INPP4B: variants seen among roughly 807,000 people sequenced by gnomAD.
INPP4B encodes the protein inositol polyphosphate 4-phosphatase type II.
In INPP4B, 55 loss-of-function variants were observed where a neutral mutation model predicts 122.5. The ratio of observed to expected loss-of-function variants is 0.45; its 90% CI spans 0.36 to 0.56. The LOEUF (loss-of-function observed/expected upper bound fraction) is 0.56, where lower values mean the gene tolerates loss of function less well. INPP4B is among the 20% of genes least tolerant of loss of function. INPP4B has a pLI of 0.00. For synonymous variants in INPP4B, 403 were observed against 388.7 expected, an observed-to-expected ratio of 1.04 and a Z score of -0.43; for missense variants, 1,000 against 1,097.7, an observed-to-expected ratio of 0.91 and a Z score of 1.26.
intron 13 of INPP4B, 26 bp downstream of exon 13, chr4:142,208,870 A>C (rs1843658688): frequency 6.8e-7 from 1 of 1,466,634 alleles, no homozygotes; most frequent in Non-Finnish European, 9.1e-7. Context: ...ATTCACTTTG[A>C]GTAAGTAGAG....
At chr4:142,158,339 C>T (rs183972118) in intron 17 of INPP4B, among the ~76,000 whole-genome samples, 34 of 152,190 alleles carry the variant, frequency 2.2e-4, no homozygotes, top group African/African-American at 7.5e-4. Context: ...ACTGCGATTG[C>T]TATTTGTCTT....
chr4:142,410,818 A>G (rs1480618218), intron 5 of INPP4B, among the ~76,000 whole-genome samples: 1 of 152,212 alleles, frequency 6.6e-6, no homozygotes, highest in Non-Finnish European at 1.5e-5. Context: ...TGACATTAAT[A>G]TATAGTTATA....
intron 15 of INPP4B, among the ~76,000 whole-genome samples, chr4:142,174,475 T>C (rs985114039): frequency 2.0e-5 from 3 of 152,106 alleles, no homozygotes; most frequent in Admixed American, 2.0e-4. Flanking sequence ...TAATGTCAAG[T>C]GGGCACATGG....
At chr4:142,062,144 G>T (rs770727755) in intron 25 of INPP4B, among the ~76,000 whole-genome samples, 1 of 151,980 alleles carries the variant, frequency 6.6e-6, no homozygotes, top group African/African-American at 2.4e-5. Flanking sequence ...TAGTAATTCT[G>T]TATAAAGTAC....
intron 7 of INPP4B, among the ~76,000 whole-genome samples, chr4:142,386,277 G>A (rs1561984013): frequency 6.6e-6 from 1 of 152,048 alleles, no homozygotes. Flanking sequence ...TTCATCCATT[G>A]ATGAACTCTT....
At chr4:142,031,933 C>T (rs184110469) in intron 25 of INPP4B, among the ~76,000 whole-genome samples, 332 of 151,834 alleles carry the variant, frequency 2.2e-3, no homozygotes, top group Non-Finnish European at 4.2e-3. Context: ...TTGAGTTGGA[C>T]GAGCAGGAAT....
At chr4:142,064,712 A>AAATCTTT (rs1159820670) in intron 25 of INPP4B, among the ~76,000 whole-genome samples, 1 of 152,196 alleles carries the variant, frequency 6.6e-6, no homozygotes, top group East Asian at 1.9e-4. Context: ...TCAATAGAAA[A>AAATCTTT]AATCTTTAGC....
At chr4:142,257,005 C>A (rs949332848) in intron 11 of INPP4B, among the ~76,000 whole-genome samples, 5 of 152,166 alleles carry the variant, frequency 3.3e-5, no homozygotes, top group African/African-American at 7.2e-5. Context: ...AGCTTATCCA[C>A]CATGATCAAG....
intron 18 of INPP4B, among the ~76,000 whole-genome samples, chr4:142,136,745 C>T (rs1804534539): frequency 6.6e-6 from 1 of 152,012 alleles, no homozygotes; most frequent in African/African-American, 2.4e-5. Flanking sequence ...GAATTTAGGA[C>T]CTTGTAAAAG....
intron 5 of INPP4B, among the ~76,000 whole-genome samples, chr4:142,421,277 C>T (rs1806825331): frequency 6.6e-6 from 1 of 152,062 alleles, no homozygotes; most frequent in Admixed American, 6.6e-5. Context: ...TGCTAGTTAT[C>T]CGATGCTCTC....
At chr4:142,116,694 C>T (rs1793680190) in intron 21 of INPP4B, among the ~76,000 whole-genome samples, 2 of 152,036 alleles carry the variant, frequency 1.3e-5, no homozygotes, top group Middle Eastern at 6.8e-3. Context: ...CAACAAATGC[C>T]CAAAAGAGAA....
chr4:142,138,292 A>T (rs1005648387), intron 18 of INPP4B, among the ~76,000 whole-genome samples: 19 of 150,274 alleles, frequency 1.3e-4, no homozygotes, highest in African/African-American at 4.4e-4. Context: ...AAGGACAAAA[A>T]ACCAAACACC....
At position 142,026,757 on chromosome 4, in the gene INPP4B, T is replaced by C. The variant is rs1444833338; in HGVS notation, c.*2025A>G. The C allele has an allele frequency of 2.0e-5, 3 of 152,206 alleles. No individual in the cohort carries two copies. Among genetic ancestry groups the C allele is most frequent in the African/African-American group, 7.2e-5 (3 of 41,462 alleles). The allele number at this position is 152,206 out of a possible 1,614,324, so 9.4% of individuals were successfully genotyped here. A position where few individuals can be genotyped will look rare whatever the true frequency, so the allele number is the denominator to read the frequency against. ...CTGGGATTACAGGAAATCCTTGAAA[T>C]GTCTTTTAAAAATAGAAAACCCTAC... On this transcript the variant is annotated 3_prime_UTR_variant, in exon 26 of 26. Transcript: ENST00000262992.
chr4:142,562,407 G>A (rs1243315875), intron 2 of INPP4B, among the ~76,000 whole-genome samples: 1 of 152,112 alleles, frequency 6.6e-6, no homozygotes, highest in Non-Finnish European at 1.5e-5. Context: ...GAGCCAGACT[G>A]TATCAAAAGT....
At chr4:142,135,740 C>T (rs1376345959) in intron 18 of INPP4B, among the ~76,000 whole-genome samples, 1 of 152,078 alleles carries the variant, frequency 6.6e-6, no homozygotes, top group African/African-American at 2.4e-5. Context: ...CTTTTTCCTT[C>T]AGTGGTGTTG....
intron 9 of INPP4B, among the ~76,000 whole-genome samples, chr4:142,298,683 CAAAAAAAAAA>C (rs386401712): frequency 8.4e-4 from 56 of 66,454 alleles, no homozygotes; most frequent in Admixed American, 1.9e-3. Flanking sequence ...GACTCTGTCT[CAAAAAAAAAA>C]AAAAAAAAAA....
chr4:142,183,154 T>C (rs1473992174), intron 15 of INPP4B, among the ~76,000 whole-genome samples: 3 of 152,190 alleles, frequency 2.0e-5, no homozygotes, highest in Non-Finnish European at 4.4e-5. Context: ...ATTCCCCAGA[T>C]GTATGTGGGA....
At chr4:142,585,539 T>G (rs1462867292) in intron 2 of INPP4B, among the ~76,000 whole-genome samples, 3 of 152,144 alleles carry the variant, frequency 2.0e-5, no homozygotes, top group African/African-American at 7.2e-5. Flanking sequence ...TCTGAGGCAT[T>G]TTCAAAGCTA....
chr4:142,843,304 TTATAGTA>T (rs1263348868), intron 1 of INPP4B, among the ~76,000 whole-genome samples: 1 of 151,832 alleles, frequency 6.6e-6, no homozygotes, highest in Non-Finnish European at 1.5e-5. Flanking sequence ...AGCCTAAATA[TTATAGTA>T]TATATGATTA....
Sources: gnomAD v4.1 joint callset for allele counts (sites outside exome capture counted in the v4.1 genomes callset) on GRCh38, gnomAD v4.1.1 for gene constraint, MANE v1.5 for transcripts, NCBI Gene and HGNC (gene_info 2026-07-23, HGNC 2026-07-21) for gene names.